The following EIF4G3 variants were observed in gnomAD, a reference collection of about 807,000 sequenced individuals.
EIF4G3 encodes the protein eukaryotic translation initiation factor 4 gamma 3, also known as eIF-4-gamma 3.
Under a neutral mutation model 186.4 loss-of-function variants are expected in EIF4G3, and 34 were observed. The ratio of observed to expected loss-of-function variants is 0.18; its 90% CI spans 0.14 to 0.24. The LOEUF (loss-of-function observed/expected upper bound fraction) is 0.24. Among genes scored for constraint, EIF4G3 ranks in the 10% least tolerant of loss-of-function variants. The pLI is 1.00. For synonymous variants in EIF4G3, 673 were observed against 679.5 expected (o/e 0.99, Z 0.15); for missense variants, 1,536 against 1,948.5 (o/e 0.79, Z 3.99).
At chr1:20,990,450 G>GGA (rs2154567829) in intron 7 of EIF4G3, among the ~76,000 whole-genome samples, 1 of 152,190 alleles carries the variant, frequency 6.6e-6, no homozygotes, top group East Asian at 1.9e-4. Context: ...TGAGGTGGGC[G>GGA]GATCACGAGG....
chr1:20,893,361 C>G (rs2086791334), intron 18 of EIF4G3, 156 bp downstream of exon 18: 6 of 712,848 alleles, frequency 8.4e-6, no homozygotes, highest in Non-Finnish European at 1.2e-5. Flanking sequence ...TATTCTTTAT[C>G]TGCTTTAATA....
At chr1:21,075,570 CAAAAAAAAAAAAAAAAAAA>C (rs55649192) in intron 3 of EIF4G3, among the ~76,000 whole-genome samples, 2 of 51,560 alleles carry the variant, frequency 3.9e-5, no homozygotes, top group African/African-American at 9.9e-5. Flanking sequence ...CTCCAACTCA[CAAAAAAAAAAAAAAAAAAA>C]AAAAAAAAAA....
chr1:20,930,348 C>A (rs2095247728), intron 14 of EIF4G3, among the ~76,000 whole-genome samples: 1 of 152,190 alleles, frequency 6.6e-6, no homozygotes, highest in Admixed American at 6.5e-5. Flanking sequence ...GCATTTTACC[C>A]AATCCTCTCA....
intron 2 of EIF4G3, among the ~76,000 whole-genome samples, chr1:21,170,627 C>T (rs548458602): frequency 4.5e-4 from 68 of 151,768 alleles, no homozygotes; most frequent in Middle Eastern, 3.4e-3. Context: ...GCCGAGACTG[C>T]GCCACTGCAC....
intron 20 of EIF4G3, among the ~76,000 whole-genome samples, chr1:20,869,354 C>A (rs2078474532): frequency 8.0e-6 from 1 of 125,158 alleles, no homozygotes. Flanking sequence ...CCCTATGTTG[C>A]CAAGGCTAGT....
At chr1:20,961,184 A>G (rs911241615) in intron 12 of EIF4G3, among the ~76,000 whole-genome samples, 1 of 152,120 alleles carries the variant, frequency 6.6e-6, no homozygotes, top group Admixed American at 6.5e-5. Context: ...GGAGATCAAG[A>G]CCATCCTGGC....
chr1:20,814,744 T>C (rs1289038037), intron 34 of EIF4G3, among the ~76,000 whole-genome samples: 2 of 118,744 alleles, frequency 1.7e-5, no homozygotes, highest in African/African-American at 6.5e-5. Context: ...AGGTTAAAAA[T>C]TCATCTCCCC....
chr1:21,127,680 C>T (rs1210827485), intron 2 of EIF4G3, among the ~76,000 whole-genome samples: 1 of 152,180 alleles, frequency 6.6e-6, no homozygotes, highest in African/African-American at 2.4e-5. Context: ...TATCTTATAA[C>T]TAGCATCTTA....
At chr1:20,921,602 T>C (rs2094498277) in intron 14 of EIF4G3, among the ~76,000 whole-genome samples, 2 of 152,226 alleles carry the variant, frequency 1.3e-5, no homozygotes, top group Admixed American at 6.5e-5. Context: ...TCTGAGCTGG[T>C]GATTCCACAG....
At chr1:21,133,669 A>C (rs1335589439) in intron 2 of EIF4G3, among the ~76,000 whole-genome samples, 1 of 152,214 alleles carries the variant, frequency 6.6e-6, no homozygotes, top group Non-Finnish European at 1.5e-5. Flanking sequence ...AGTAGCTTCT[A>C]GCTGACATAT....
intron 25 of EIF4G3, among the ~76,000 whole-genome samples, chr1:20,855,478 A>G (rs1176014065): frequency 6.6e-6 from 1 of 152,262 alleles, no homozygotes; most frequent in East Asian, 1.9e-4. Context: ...ATCAACAGAC[A>G]TAAAAATTTC....
intron 4 of EIF4G3, among the ~76,000 whole-genome samples, chr1:21,044,688 C>T (rs913335423): frequency 6.6e-6 from 1 of 150,678 alleles, no homozygotes; most frequent in African/African-American, 2.5e-5. Flanking sequence ...CACTCTGCCA[C>T]CCAGGCTGGA....
intron 2 of EIF4G3, among the ~76,000 whole-genome samples, chr1:21,144,489 T>C (rs2097400654): frequency 6.6e-6 from 1 of 151,764 alleles, no homozygotes; most frequent in African/African-American, 2.4e-5. Flanking sequence ...ACTCCTGGCC[T>C]CAAGCAATCC....
At chr1:20,943,736 T>C (rs956032146) in intron 13 of EIF4G3, among the ~76,000 whole-genome samples, 2 of 152,222 alleles carry the variant, frequency 1.3e-5, no homozygotes, top group East Asian at 1.9e-4. Context: ...GTTTATCAGA[T>C]AAATAGGTAT....
chr1:21,139,531 G>C (rs1170726030), intron 2 of EIF4G3, among the ~76,000 whole-genome samples: 1 of 152,078 alleles, frequency 6.6e-6, no homozygotes, highest in Admixed American at 6.6e-5. Context: ...CAAAGCTTTC[G>C]AAAAAGGTAT....
chr1:20,942,404 C>T, intron 13 of EIF4G3, 74 bp from the exon 14 acceptor site: 1 of 1,414,666 alleles, frequency 7.1e-7, no homozygotes, highest in Non-Finnish European at 9.5e-7. Context: ...CCAATTCTTT[C>T]AATGTCTTAC....
intron 7 of EIF4G3, 126 bp downstream of exon 7, chr1:20,997,475 T>C (rs539409461): frequency 2.3e-5 from 22 of 939,458 alleles, no homozygotes; most frequent in Middle Eastern, 4.3e-4. Context: ...TTATATCAGA[T>C]AAAAGCTACT....
intron 2 of EIF4G3, chr1:21,161,564 T>G (rs1348046224): frequency 6.6e-6 from 1 of 152,244 alleles, no homozygotes; most frequent in Non-Finnish European, 1.5e-5. Flanking sequence ...AAGGAAGCAT[T>G]ATCCTTTCAG....
chr1:20,844,099 T>C (rs2069777858), intron 29 of EIF4G3, among the ~76,000 whole-genome samples: 1 of 152,208 alleles, frequency 6.6e-6, no homozygotes, highest in African/African-American at 2.4e-5. Flanking sequence ...CTATTGTGAA[T>C]AGTGCTACAA....
Sources: allele counts gnomAD v4.1 joint callset (sites outside exome capture counted in the v4.1 genomes callset), GRCh38; gene constraint gnomAD v4.1.1; transcripts MANE v1.5; gene names NCBI Gene and HGNC (gene_info 2026-07-23, HGNC 2026-07-21).